The following FLACC1 variants were observed in gnomAD, a reference collection of about 807,000 sequenced individuals.
FLACC1 encodes the protein flagellum associated containing coiled-coil domains 1, also known as flagellum-associated coiled-coil domain-containing protein 1.
FLACC1 carries 66 observed loss-of-function variants against 62.8 expected under a neutral mutation model. That is an observed-to-expected ratio of 1.05 (90% CI 0.86 to 1.29). FLACC1 has a LOEUF of 1.29. Ranked by LOEUF, FLACC1 falls within the 50% of genes most tolerant of loss-of-function variation. The pLI is 0.00. For missense variants in FLACC1, 452 were observed against 489.1 expected (o/e 0.92, Z 0.71); for synonymous variants, 156 against 161.0 (o/e 0.97, Z 0.24).
Position 201,301,082 on chromosome 2 carries a change from G to A in FLACC1, c.880-1782C>T, listed in dbSNP as rs183711278. 1.2e-4 allele frequency among the ~76,000 whole-genome samples: 18 copies of A among 152,330 alleles called. No homozygotes were observed. In the East Asian group the frequency reaches 3.5e-3, roughly 29 times the overall value. On this transcript the variant is annotated intron_variant, in intron 11 of 14. Transcript: ENST00000392257. ...AACAAAGCTGGACAGAGAATGAATT[G>A]ACGAGTTGAGAGAAGAAGGCTTCAG...
In FLACC1 at chr2:201,351,285, T is replaced by C; in HGVS notation, c.113+7A>G. The C allele has an allele frequency of 1.9e-6, 3 of 1,600,542 alleles. No individual in the cohort carries two copies. The highest frequency in any genetic ancestry group is 2.6e-6 in the Non-Finnish European group (3 of 1,167,758). ...CCTGTGCCTACCCCATCCCAGATAA[T>C]TCTTACTTGGAACTCCCTGTGGAGT... On this transcript the variant is annotated splice_region_variant and intron_variant, in intron 2 of 14. Transcript: ENST00000392257.
chr2:201,342,237 G>T, intron 7 of FLACC1, 133 bp downstream of exon 7: 1 of 832,818 alleles, frequency 1.2e-6, no homozygotes, highest in South Asian at 1.6e-5. Flanking sequence ...CACGTGTCTT[G>T]TTCATCTCCC....
At chr2:201,303,512 C>A (rs1258738382) in intron 11 of FLACC1, among the ~76,000 whole-genome samples, 1 of 152,198 alleles carries the variant, frequency 6.6e-6, no homozygotes, top group African/African-American at 2.4e-5. Context: ...CAAGGAGGAG[C>A]TGGTACCATT....
At chr2:201,320,904 C>T (rs1224666119) in intron 9 of FLACC1, among the ~76,000 whole-genome samples, 1 of 152,210 alleles carries the variant, frequency 6.6e-6, no homozygotes, top group African/African-American at 2.4e-5. Context: ...AGCATCACCT[C>T]TTGGCTGGAG....
intron 9 of FLACC1, among the ~76,000 whole-genome samples, chr2:201,317,480 C>T (rs181160543): frequency 2.8e-4 from 42 of 151,976 alleles, no homozygotes; most frequent in Non-Finnish European, 5.9e-4. Context: ...AATGTTTGGA[C>T]TATACCTAAC....
chr2:201,302,728 C>T (rs909365068), intron 11 of FLACC1, among the ~76,000 whole-genome samples: 16 of 152,000 alleles, frequency 1.1e-4, no homozygotes, highest in East Asian at 5.8e-4. Flanking sequence ...CACAACAAAC[C>T]GTCTCTCAGA....
chr2:201,289,320 A>G, intron 14 of FLACC1, 137 bp downstream of exon 14: 1 of 731,902 alleles, frequency 1.4e-6, no homozygotes, highest in Non-Finnish European at 2.3e-6. Flanking sequence ...CTAGAGTGAC[A>G]TACCTCCCTC....
At chr2:201,323,784 C>CAAAAAACAAA (rs1950448618) in intron 9 of FLACC1, among the ~76,000 whole-genome samples, 1 of 52,768 alleles carries the variant, frequency 1.9e-5, no homozygotes, top group African/African-American at 1.0e-4. Flanking sequence ...CAGACTCTAT[C>CAAAAAACAAA]AAAAAAAAAA....
intron 11 of FLACC1, among the ~76,000 whole-genome samples, chr2:201,304,913 A>G (rs1282524747): frequency 2.6e-5 from 4 of 152,208 alleles, no homozygotes; most frequent in African/African-American, 7.2e-5. Context: ...CCTTCCTTAC[A>G]TCTTATACAA....
intron 7 of FLACC1, among the ~76,000 whole-genome samples, chr2:201,331,283 C>T (rs1012290698): frequency 1.3e-5 from 2 of 152,088 alleles, no homozygotes; most frequent in Non-Finnish European, 2.9e-5. Context: ...GGGGCCTTCA[C>T]TTCCTGAAGC....
At chr2:201,354,978 T>A (rs1951091091) in intron 1 of FLACC1, among the ~76,000 whole-genome samples, 1 of 152,184 alleles carries the variant, frequency 6.6e-6, no homozygotes, top group Non-Finnish European at 1.5e-5. Context: ...ATCATGGTGG[T>A]TGGGGCTAGC....
chr2:201,301,424 G>T (rs1304329265), intron 11 of FLACC1, among the ~76,000 whole-genome samples: 4 of 152,170 alleles, frequency 2.6e-5, no homozygotes, highest in African/African-American at 4.8e-5. Flanking sequence ...AGAAATATGG[G>T]ACTATGTGAA....
chr2:201,353,659 C>G (rs904071188), intron 1 of FLACC1, among the ~76,000 whole-genome samples: 3 of 152,198 alleles, frequency 2.0e-5, no homozygotes, highest in Non-Finnish European at 2.9e-5. Context: ...ACAATCTTGG[C>G]TCACTACAAC....
rs1177460659 is a variant in FLACC1, at chr2:201,288,547, G to C, written c.*108C>G. On this transcript the variant is annotated 3_prime_UTR_variant, in exon 15 of 15. Coordinates refer to ENST00000392257, the MANE Select transcript of FLACC1 (RefSeq NM_001127391.3). ...CATTCAGAGAGTCAGAGCAACCCAAGAACTAAACTCATTATATGCATTTTC... is the reference window on the plus strand; with the variant it reads ...CATTCAGAGAGTCAGAGCAACCCAACAACTAAACTCATTATATGCATTTTC... 3 of 1,381,144 alleles carry C rather than the reference G, an allele frequency of 2.2e-6. No homozygotes were observed. The allele number at this position is 1,381,144 out of a possible 1,614,324, so 85.6% of individuals were successfully genotyped here. A position where few individuals can be genotyped will look rare whatever the true frequency, so the allele number is the denominator to read the frequency against.
intron 9 of FLACC1, among the ~76,000 whole-genome samples, chr2:201,317,840 A>G (rs941601691): frequency 5.9e-5 from 9 of 152,212 alleles, no homozygotes; most frequent in Non-Finnish European, 1.0e-4. Context: ...ACCTGATTTC[A>G]AACTATATTA....
intron 9 of FLACC1, 49 bp downstream of exon 9, chr2:201,330,421 G>T: frequency 1.3e-6 from 2 of 1,537,746 alleles, no homozygotes; most frequent in Non-Finnish European, 1.8e-6. Flanking sequence ...TGTTAGCCAG[G>T]AATGAGCCTT....
At chr2:201,316,181 G>T (rs1950304575) in intron 9 of FLACC1, among the ~76,000 whole-genome samples, 1 of 151,860 alleles carries the variant, frequency 6.6e-6, no homozygotes, top group Non-Finnish European at 1.5e-5. Context: ...CACAAACCCA[G>T]CAGAAGAAAG....
intron 3 of FLACC1, among the ~76,000 whole-genome samples, chr2:201,349,569 G>A (rs1173009773): frequency 6.6e-6 from 1 of 152,138 alleles, no homozygotes; most frequent in African/African-American, 2.4e-5. Context: ...CTGAAACAGT[G>A]CCTAATAAAT....
intron 12 of FLACC1, among the ~76,000 whole-genome samples, chr2:201,297,392 G>C (rs957829877): frequency 5.9e-5 from 9 of 151,884 alleles, no homozygotes; most frequent in African/African-American, 2.2e-4. Context: ...AAATACTCCA[G>C]GACTTAGAAA....
Sources: gnomAD v4.1 joint callset for allele counts (sites outside exome capture counted in the v4.1 genomes callset) on GRCh38, gnomAD v4.1.1 for gene constraint, MANE v1.5 for transcripts, NCBI Gene and HGNC (gene_info 2026-07-23, HGNC 2026-07-21) for gene names.